The following ZNF114 variants were observed in gnomAD, a reference collection of about 807,000 sequenced individuals.
ZNF114 encodes the protein zinc finger protein 114, also known as zinc finger protein 114 (Y18).
In ZNF114, 8 loss-of-function variants were observed where a neutral mutation model predicts 6.8. That is an observed-to-expected ratio of 1.18 (90% confidence interval 0.69 to 2.13). The LOEUF (loss-of-function observed/expected upper bound fraction) is 2.13, where lower values mean the gene tolerates loss of function less well. Among genes scored for constraint, ZNF114 ranks in the 30% most tolerant of loss-of-function variants. The pLI is 0.00. For synonymous variants in ZNF114, 169 were observed against 185.5 expected (o/e 0.91, Z 0.72); for missense variants, 472 against 519.5 (o/e 0.91, Z 0.89).
Position 48,277,794 on chromosome 19 carries a change from G to GGGGTGTGTGT in ZNF114, c.-69-1936_-69-1935insGGTGTGTGTG, listed in dbSNP as rs1330052475. Among the ~76,000 whole-genome samples the GGGGTGTGTGT allele has an allele frequency of 2.8e-3, 340 of 119,402 alleles. 2 individuals carry two copies. Among genetic ancestry groups the GGGGTGTGTGT allele is most frequent in the Middle Eastern group, 4.6e-3 (1 of 216 alleles). 78.3% of individuals were successfully genotyped at this position (119,402 alleles called of 152,430 possible). On this transcript the variant is annotated intron_variant, in intron 3 of 5. Transcript: ENST00000595607. ...GAATAGACTGACCAGGGAGGCATTG[G>GGGGTGTGTGT]GTGTGTGTGTGTGTGTGTGTGTGTG...
rs1968021594 is a variant in ZNF114, at chr19:48,282,645, C to T, written c.136+148C>T. 4.2e-6 allele frequency: 3 copies of T among 706,144 alleles called. No individual in the cohort carries two copies. The East Asian group carries it at 9.5e-5, about 22-fold the overall frequency. 43.7% of individuals were successfully genotyped at this position (706,144 alleles called of 1,614,324 possible). On this transcript the variant is annotated intron_variant, in intron 5 of 5. Coordinates refer to ENST00000595607, the MANE Select transcript of ZNF114 (RefSeq NM_153608.4). ...CCCAGGTAGTAGGTGTAGGGTTCACCATGAAACTGGAAGTCAGTTTGTTGC... is the reference window on the plus strand; with the variant it reads ...CCCAGGTAGTAGGTGTAGGGTTCACTATGAAACTGGAAGTCAGTTTGTTGC...
chr19:48,284,455 A>G (rs934763694), intron 5 of ZNF114, among the ~76,000 whole-genome samples: 4 of 151,890 alleles, frequency 2.6e-5, no homozygotes, highest in Non-Finnish European at 5.9e-5. Context: ...GAAAGAAAAA[A>G]ACAGGCACTC....
At chr19:48,277,794 G>GGTGGGTGTGTGTGTGT (rs1555876488) in intron 3 of ZNF114, among the ~76,000 whole-genome samples, 15 of 119,338 alleles carry the variant, frequency 1.3e-4, no homozygotes, top group Admixed American at 1.7e-4. Flanking sequence ...GGAGGCATTG[G>GGTGGGTGTGTGTGTGT]GTGTGTGTGT....
rs1231756869 is a variant in ZNF114, at chr19:48,279,809, G to C, written c.9+1G>C. 2 of 1,613,976 alleles carry C rather than the reference G, an allele frequency of 1.2e-6. No homozygotes were observed. The highest frequency in any genetic ancestry group is 1.7e-6 in the Non-Finnish European group (2 of 1,179,944). ...CACGTTGGTGACAAATATGTCCCAG[G>C]TAAGTTGGCAGCTCACCCTCTCCCA... On this transcript the variant is annotated splice_donor_variant, in intron 4 of 5. Transcript: ENST00000595607. LOFTEE classifies it high-confidence loss of function.
intron 5 of ZNF114, among the ~76,000 whole-genome samples, chr19:48,284,191 T>C (rs1473508449): frequency 6.6e-6 from 1 of 152,202 alleles, no homozygotes; most frequent in Non-Finnish European, 1.5e-5. Flanking sequence ...TTCATCAGAA[T>C]GCAGGACCTG....
At chr19:48,277,918 A>G (rs1021505607) in intron 3 of ZNF114, among the ~76,000 whole-genome samples, 8 of 151,014 alleles carry the variant, frequency 5.3e-5, no homozygotes, top group African/African-American at 1.9e-4. Context: ...TAACATGAAC[A>G]CTTTTCATCT....
intron 3 of ZNF114, among the ~76,000 whole-genome samples, chr19:48,274,506 A>ATATT (rs1967772930): frequency 1.2e-4 from 2 of 17,170 alleles, no homozygotes; most frequent in South Asian, 1.4e-3. Flanking sequence ...ATATATATAT[A>ATATT]TTTTTTTTTT....
At chr19:48,278,942 C>CA (rs71334282) in intron 3 of ZNF114, among the ~76,000 whole-genome samples, 90 of 143,648 alleles carry the variant, frequency 6.3e-4, no homozygotes, top group East Asian at 3.9e-3. Flanking sequence ...GACTCCGTCT[C>CA]AAAAAAAAAA....
At chr19:48,281,327 T>G (rs947571156) in intron 4 of ZNF114, among the ~76,000 whole-genome samples, 4 of 152,004 alleles carry the variant, frequency 2.6e-5, no homozygotes, top group Non-Finnish European at 5.9e-5. Context: ...GCGGCAGAGT[T>G]GCTTCCTTCT....
At chr19:48,271,027 G>GC (rs1967641514) in intron 1 of ZNF114, 1 of 150,238 alleles carries the variant, frequency 6.7e-6, no homozygotes, top group Admixed American at 6.6e-5. Flanking sequence ...CTGCACTCCA[G>GC]CCTGGGCGAC....
At chr19:48,276,306 C>T (rs903697710) in intron 3 of ZNF114, among the ~76,000 whole-genome samples, 1 of 151,772 alleles carries the variant, frequency 6.6e-6, no homozygotes. Flanking sequence ...CTCAAACTCC[C>T]TACCTCAGGT....
intron 3 of ZNF114, among the ~76,000 whole-genome samples, chr19:48,275,182 A>AAG (rs939240120): frequency 6.9e-6 from 1 of 144,552 alleles, no homozygotes; most frequent in African/African-American, 2.5e-5. Context: ...GGAAGAGAGA[A>AAG]AGAGAGAGAG....
At chr19:48,275,419 A>AAGACACACACAC (rs1967801659) in intron 3 of ZNF114, among the ~76,000 whole-genome samples, 1 of 133,116 alleles carries the variant, frequency 7.5e-6, no homozygotes, top group Non-Finnish European at 1.6e-5. Context: ...TCTCTACTAA[A>AAGACACACACAC]ACACACACAC....
chr19:48,277,673 C>T (rs1293251819), intron 3 of ZNF114, among the ~76,000 whole-genome samples: 1 of 152,226 alleles, frequency 6.6e-6, no homozygotes, highest in Non-Finnish European at 1.5e-5. Flanking sequence ...TCTGGCACCG[C>T]AAGGCTCACA....
rs1159447810 is a variant in ZNF114, at chr19:48,286,674, T to G, written c.1050T>G (p.His350Gln). 1 of 1,612,284 alleles carries G rather than the reference T, an allele frequency of 6.2e-7. No homozygotes were observed. The highest frequency in any genetic ancestry group is 8.5e-7 in the Non-Finnish European group (1 of 1,179,560). The change falls in exon 6 of 6, where the codon CAT becomes CAG. Residue 350 changes from histidine (H) to glutamine (Q), a missense_variant. His to Gln is a conservative substitution (Grantham distance 24). Transcript: ENST00000595607. ...GATATTCCTTACACCTTAATAAACA[T>G]TTAAGAAAGCATGTTGTGCAGAAGA... The part of the protein sequence containing the change: ...AFRYSLHLNK[H>Q]LRKHVVQKKP...
chr19:48,271,446 G>A lies in ZNF114; in HGVS notation c.-175G>A, dbSNP rs1967653658. On this transcript the variant is annotated 5_prime_UTR_variant, in exon 2 of 6. Transcript: ENST00000595607. The stretch of plus-strand genomic sequence containing the variant: ...TTCCTGCTTGGATCAGGAGTGCCTG[G>A]GGAGTAAGTTCTACAGGAAATGTCA... 2 of 150,952 alleles carry A rather than the reference G, an allele frequency of 1.3e-5. No homozygotes were observed. Among genetic ancestry groups the A allele is most frequent in the Non-Finnish European group, 2.9e-5 (2 of 67,806 alleles). 9.4% of individuals were successfully genotyped at this position (150,952 alleles called of 1,614,324 possible). A position where few individuals can be genotyped will look rare whatever the true frequency, so the allele number is the denominator to read the frequency against.
intron 3 of ZNF114, among the ~76,000 whole-genome samples, chr19:48,274,726 G>A (rs1967779364): frequency 1.3e-5 from 2 of 151,464 alleles, no homozygotes; most frequent in South Asian, 2.1e-4. Flanking sequence ...GGCTGACCTC[G>A]AACTCCCAAC....
intron 3 of ZNF114, among the ~76,000 whole-genome samples, chr19:48,273,304 G>A (rs563968072): frequency 6.6e-6 from 1 of 152,298 alleles, no homozygotes; most frequent in Non-Finnish European, 1.5e-5. Context: ...CAGGGCAAAG[G>A]TGGGAATGTG....
At chr19:48,273,410 CTTTTTCT>C (rs1242540327) in intron 3 of ZNF114, among the ~76,000 whole-genome samples, 2 of 145,330 alleles carry the variant, frequency 1.4e-5, no homozygotes, top group Non-Finnish European at 3.0e-5. Flanking sequence ...CGTTGTTTTT[CTTTTTCT>C]TTTCTTTTCT....
Sources: gnomAD v4.1 joint callset for allele counts (sites outside exome capture counted in the v4.1 genomes callset) on GRCh38, gnomAD v4.1.1 for gene constraint, MANE v1.5 for transcripts, NCBI Gene and HGNC (gene_info 2026-07-23, HGNC 2026-07-21) for gene names.